Variants in MAN2A2 observed in about 807,000 individuals in gnomAD.
The protein encoded by MAN2A2 is alpha-mannosidase 2x.
Under a neutral mutation model 126.8 loss-of-function variants are expected in MAN2A2, and 79 were observed. The ratio of observed to expected loss-of-function variants is 0.62; its 90% confidence interval spans 0.52 to 0.75. The LOEUF (loss-of-function observed/expected upper bound fraction) is 0.75, where lower values mean the gene tolerates loss of function less well. Among genes scored for constraint, MAN2A2 ranks in the 30% least tolerant of loss-of-function variants. The probability of loss-of-function intolerance (pLI) is 0.00; values close to 1 mark genes in which losing one functional copy is unlikely to be tolerated. For missense variants in MAN2A2, 1,392 were observed against 1,522.4 expected (o/e 0.91, Z 1.43); for synonymous variants, 671 against 618.7 (o/e 1.08, Z -1.25).
chr15:90,914,490 G>T (rs1042519024), intron 19 of MAN2A2, among the ~76,000 whole-genome samples: 2 of 152,312 alleles, frequency 1.3e-5, no homozygotes, highest in South Asian at 4.1e-4. Flanking sequence ...TCCTTCCAGT[G>T]ATCATTAAAA....
Position 90,907,406 on chromosome 15 carries a change from A to G in MAN2A2, c.1107A>G (p.Gln369=), listed in dbSNP as rs754573425. ...GCCCAGATCCCAAGATCTGCTGCCA[A>G]TTTGATTTCAAACGCCTGCCTGGTG... is the stretch of plus-strand genomic sequence containing the variant. ...TCGPDPKICC[Q]FDFKRLPGGR... is the part of the protein sequence containing the mutation. Residue 369 remains glutamine, a synonymous_variant, in exon 8 of 23, where the codon CAA becomes CAG. Transcript: ENST00000559717. 5 of 1,614,134 alleles carry G rather than the reference A, an allele frequency of 3.1e-6. No individual in the cohort carries two copies. In the South Asian group the frequency reaches 3.3e-5, roughly 11 times the overall value.
chr15:90,910,174 C>T lies in MAN2A2; in HGVS notation c.1459C>T (p.Pro487Ser). ...GCCAGGGGCCCGGCCTCCAGGGTTT[C>T]CTGTGCTGAGCGGGGATTTCTTCTC... is the stretch of plus-strand genomic sequence containing the variant. ...VEPGARPPGFPVLSGDFFSYA... is the reference protein window; with the variant it reads ...VEPGARPPGFSVLSGDFFSYA... Residue 487 changes from proline to serine, a missense_variant, in exon 10 of 23, where the codon CCT (proline) becomes TCT (serine). By Grantham distance (74) the Pro-to-Ser change is moderately conservative. Coordinates refer to ENST00000559717, the MANE Select transcript of MAN2A2 (RefSeq NM_006122.4). 2 of 1,614,146 alleles carry T rather than the reference C, an allele frequency of 1.2e-6. No homozygotes were observed. The highest frequency in any genetic ancestry group is 2.2e-5 in the East Asian group (1 of 44,888).
rs1567126597 is a variant in MAN2A2, at chr15:90,912,144, C to T, written c.2211C>T (p.Tyr737=). 2.5e-6 allele frequency: 4 copies of T among 1,613,912 alleles called. No homozygotes were observed. The highest frequency in any genetic ancestry group is 3.4e-6 in the Non-Finnish European group (4 of 1,179,962). ...HRTLPSSVRI[Y]LHGRQLSVSR... ...CGCTGCCCTCCTCTGTGCGCATCTA[C>T]CTGCACGGCCGGCAGCTGTCCGTCA... The change falls in exon 15 of 23, where the codon TAC becomes TAT. Residue 737 remains tyrosine (Y), a synonymous_variant. Coordinates refer to ENST00000559717, the MANE Select transcript of MAN2A2 (RefSeq NM_006122.4).
Position 90,910,137 on chromosome 15 carries a change from G to A in MAN2A2, c.1422G>A (p.Arg474=), listed in dbSNP as rs148564113. The change falls in exon 10 of 23, where the codon AGG becomes AGA. Residue 474 remains arginine, a synonymous_variant. Transcript: ENST00000559717. ...ACTATTTTGATGCCCTGTACAAGAG[G>A]ACAGGGGTGGAGCCAGGGGCCCGGC... ...LSDYFDALYK[R]TGVEPGARPP... is the part of the protein sequence containing the mutation. 5.6e-4 allele frequency: 908 copies of A among 1,614,042 alleles called. No homozygotes were observed. Among genetic ancestry groups the A allele is most frequent in the Non-Finnish European group, 7.2e-4 (849 of 1,180,020 alleles).
chr15:90,906,591 T>C (rs1443188145), intron 6 of MAN2A2, 94 bp downstream of exon 6: 24 of 1,593,256 alleles, frequency 1.5e-5, no homozygotes, highest in Non-Finnish European at 2.0e-5. Flanking sequence ...GGTGGTTCCT[T>C]TCTAGGCAGA....
chr15:90,918,792 C>T, intron 22 of MAN2A2, 37 bp downstream of exon 22: 2 of 1,403,874 alleles, frequency 1.4e-6, no homozygotes, highest in Non-Finnish European at 2.0e-6. Flanking sequence ...CTAGGAATGG[C>T]AGGCATGAGC....
chr15:90,914,558 C>G (rs1046058612), intron 19 of MAN2A2, among the ~76,000 whole-genome samples: 3 of 151,984 alleles, frequency 2.0e-5, no homozygotes, highest in Non-Finnish European at 4.4e-5. Flanking sequence ...TTCACTCTTT[C>G]GCCCAGGCTG....
chr15:90,913,647 C>T lies in MAN2A2; in HGVS notation c.2752C>T (p.Leu918Phe), dbSNP rs764927109. 6 of 1,612,642 alleles carry T rather than the reference C, an allele frequency of 3.7e-6. No individual in the cohort carries two copies. Among genetic ancestry groups the T allele is most frequent in the Non-Finnish European group, 1.7e-6 (2 of 1,179,578 alleles). ...CCGACGGTATCTGAAGAAGCTCCCC[C>T]TCCAGGCCAACTTCTACCCCATGCC... ...QPRRYLKKLPLQANFYPMPVM... is the reference protein window; with the variant it reads ...QPRRYLKKLPFQANFYPMPVM... Residue 918 changes from leucine (L) to phenylalanine (F), a missense_variant, in exon 19 of 23, where the codon CTC becomes TTC. By Grantham distance (22) the Leu-to-Phe change is conservative (BLOSUM62 0). Coordinates refer to ENST00000559717, the MANE Select transcript of MAN2A2 (RefSeq NM_006122.4).
chr15:90,908,388 G>A (rs2034461298), intron 8 of MAN2A2, among the ~76,000 whole-genome samples: 1 of 152,306 alleles, frequency 6.6e-6, no homozygotes, highest in Admixed American at 6.5e-5. Context: ...TTTGGACTGT[G>A]ATATTTATAA....
chr15:90,913,221 C>A, intron 17 of MAN2A2, 52 bp from the exon 18 acceptor site: 1 of 1,599,036 alleles, frequency 6.3e-7, no homozygotes, highest in Non-Finnish European at 8.5e-7. Context: ...AGCCTCTTAG[C>A]TGTGCTTCAG....
At chr15:90,908,175 G>A (rs2034446898) in intron 8 of MAN2A2, among the ~76,000 whole-genome samples, 1 of 152,200 alleles carries the variant, frequency 6.6e-6, no homozygotes, top group Admixed American at 6.5e-5. Context: ...CTATGAGGGC[G>A]TGACTTTTCT....
At chr15:90,909,760 C>T (rs970292486) in intron 9 of MAN2A2, among the ~76,000 whole-genome samples, 1 of 152,184 alleles carries the variant, frequency 6.6e-6, no homozygotes, top group Non-Finnish European at 1.5e-5. Flanking sequence ...CCTGCCATCA[C>T]ACCCAGCTAA....
intron 1 of MAN2A2, chr15:90,903,784 G>A (rs963257914): frequency 2.4e-4 from 73 of 305,932 alleles, no homozygotes; most frequent in Non-Finnish European, 3.8e-5. Flanking sequence ...TTTCCTATCA[G>A]TCTCTTTGGG....
chr15:90,909,564 G>A (rs1319344513), intron 9 of MAN2A2, 60 bp downstream of exon 9: 1 of 1,514,718 alleles, frequency 6.6e-7, no homozygotes, highest in African/African-American at 1.4e-5. Flanking sequence ...CCCTTCCCGT[G>A]AGACCGTGCC....
chr15:90,916,519 C>T, intron 20 of MAN2A2: 2 of 1,391,218 alleles, frequency 1.4e-6, no homozygotes. Flanking sequence ...CTCCTCTGCC[C>T]TGTCCCAGCA....
rs562311567 is a variant in MAN2A2 at position 90,917,787 on chromosome 15, C to T, written c.2995-407C>T. On this transcript the variant is annotated intron_variant, in intron 20 of 22. Transcript: ENST00000559717. ...CAGGCTGGCACTGTGGATGTGGCAT[C>T]GCTCGTGAAGCCGCAGATTACCCAG... The T allele has an allele frequency of 1.2e-4, 21 of 169,540 alleles. No homozygotes were observed. The South Asian group carries it at 2.6e-3, about 21-fold the overall frequency. The allele number at this position is 169,540 out of a possible 1,614,324, so 10.5% of individuals were successfully genotyped here.
At chr15:90,911,052 C>A (rs990182112) in intron 12 of MAN2A2, 91 bp downstream of exon 12, 1 of 1,476,728 alleles carries the variant, frequency 6.8e-7, no homozygotes, top group Non-Finnish European at 9.4e-7. Context: ...TTCTCTTTTT[C>A]CTTCCCCATC....
intron 5 of MAN2A2, 58 bp downstream of exon 5, chr15:90,906,074 C>T (rs1023502157): frequency 2.1e-5 from 33 of 1,603,214 alleles, no homozygotes; most frequent in South Asian, 1.0e-4. Context: ...GCTGGGTGGA[C>T]GGGTCTTACC....
upstream of MAN2A2, chr15:90,902,774 C>T (rs2033937963): frequency 7.1e-6 from 1 of 141,714 alleles, no homozygotes; most frequent in Non-Finnish European, 1.5e-5. Flanking sequence ...CGGACCCGCG[C>T]GGGGCCGGCG....
Sources: gnomAD v4.1 joint callset for allele counts (sites outside exome capture counted in the v4.1 genomes callset) on GRCh38, gnomAD v4.1.1 for gene constraint, MANE v1.5 for transcripts, NCBI Gene and HGNC (gene_info 2026-07-23, HGNC 2026-07-21) for gene names.